Variants in NLRC3 observed in about 807,000 individuals in gnomAD.
The protein encoded by NLRC3 is NLR family CARD domain containing 3.
In NLRC3, 87 loss-of-function variants were observed where a neutral mutation model predicts 91.6. That is an observed-to-expected ratio of 0.95 (90% CI 0.80 to 1.14). The LOEUF (loss-of-function observed/expected upper bound fraction) is 1.14. Among genes scored for constraint, NLRC3 ranks in the 50% most tolerant of loss-of-function variants. The pLI, the probability that NLRC3 is intolerant of heterozygous loss-of-function variation, is 0.00. For synonymous variants in NLRC3, 694 were observed against 625.3 expected, an observed-to-expected ratio of 1.11 and a Z score of -1.64; for missense variants, 1,577 against 1,418.6, an observed-to-expected ratio of 1.11 and a Z score of -1.79.
At chr16:3,565,568 T>G (rs2039845569) in intron 2 of NLRC3, among the ~76,000 whole-genome samples, 188 bp from the exon 3 acceptor site, 1 of 144,058 alleles carries the variant, frequency 6.9e-6, no homozygotes, top group African/African-American at 2.6e-5. Flanking sequence ...GGCAAAAGTA[T>G]GGAGACAGGA....
chr16:3,576,366 G>T (rs754593161), intron 1 of NLRC3, among the ~76,000 whole-genome samples: 1 of 152,106 alleles, frequency 6.6e-6, no homozygotes, highest in Non-Finnish European at 1.5e-5. Flanking sequence ...TGGGGGCGGC[G>T]CCTGCACCCT....
At chr16:3,549,576 G>C (rs941860312) in intron 12 of NLRC3, 121 bp downstream of exon 12, 2 of 780,792 alleles carry the variant, frequency 2.6e-6, no homozygotes, top group African/African-American at 3.4e-5. Flanking sequence ...AAAGGGCCAG[G>C]CTGCCAGGAA....
In NLRC3 at chr16:3,544,341, G is replaced by GTA; in HGVS notation, c.2772-14_2772-13dup. 1 of 1,602,630 alleles carries GTA rather than the reference G, an allele frequency of 6.2e-7. No homozygotes were observed. The highest frequency in any genetic ancestry group is 8.5e-7 in the Non-Finnish European group (1 of 1,169,878). ...CGTTCTCCTGTAAACTAGACACAGA[G>GTA]TATGACCCCTTTGGGTGCACGGGGC... On this transcript the variant is annotated splice_polypyrimidine_tract_variant and intron_variant, in intron 15 of 19. Coordinates refer to ENST00000359128, the MANE Select transcript of NLRC3 (RefSeq NM_178844.4).
rs371123691 is a variant in NLRC3, at chr16:3,548,194, G to T, written c.2712C>A (p.Ala904=). Residue 904 remains alanine, a synonymous_variant, in exon 15 of 20, where the codon GCC becomes GCA. Coordinates refer to ENST00000359128, the MANE Select transcript of NLRC3 (RefSeq NM_178844.4). ...CTTGTCCCAGGGCCTGGGCAGCGCC[G>T]GCCTGGATGAAGTTCCACTGCAGGC... ...SLHLQWNFIQ[A]GAAQALGQAL... is the part of the protein sequence containing the mutation. The T allele has an allele frequency of 6.3e-7, 1 of 1,594,724 alleles. No individual in the cohort carries two copies. Among genetic ancestry groups the T allele is most frequent in the Non-Finnish European group, 8.5e-7 (1 of 1,170,774 alleles).
In NLRC3 at chr16:3,549,685, G is replaced by A. The variant is rs781263564; in HGVS notation, c.2519+12C>T. The A allele has an allele frequency of 4.5e-6, 7 of 1,545,160 alleles. No homozygotes were observed. In the South Asian group the frequency reaches 6.0e-5, roughly 13 times the overall value. ...AGAAACGCCCTGTTTGGAGAGGGTG[G>A]CCAGGACTTACCTGAGGCTGAGGAG... On this transcript the variant is annotated intron_variant, in intron 12 of 19. Coordinates refer to ENST00000359128, the MANE Select transcript of NLRC3 (RefSeq NM_178844.4).
chr16:3,556,963 C>T lies in NLRC3; in HGVS notation c.2131G>A (p.Ala711Thr). ...LRGNSIGPQGAKALADALKIN... is the reference protein window; with the variant it reads ...LRGNSIGPQGTKALADALKIN... ...TTCAAAGCGTCTGCCAGCGCCTTGG[C>T]CCCTTGTGGTCCAATGGAGTTACCG... Residue 711 changes from alanine (A) to threonine (T), a missense_variant, in exon 8 of 20, where the codon GCC (alanine) becomes ACC (threonine). By Grantham distance (58) the Ala-to-Thr change is moderately conservative (BLOSUM62 0). Transcript: ENST00000359128. The T allele has an allele frequency of 6.2e-7, 1 of 1,613,656 alleles. No homozygotes were observed. Among genetic ancestry groups the T allele is most frequent in the Non-Finnish European group, 8.5e-7 (1 of 1,179,614 alleles).
chr16:3,556,266 G>T (rs2039314335), intron 8 of NLRC3, among the ~76,000 whole-genome samples: 1 of 130,322 alleles, frequency 7.7e-6, no homozygotes. Flanking sequence ...AGGAGGCAGA[G>T]GTTGCAGTGA....
At position 3,564,804 on chromosome 16, in the gene NLRC3, G is replaced by C. The variant is rs2039801668; in HGVS notation, c.179-46C>G. On this transcript the variant is annotated intron_variant, in intron 4 of 19. Coordinates refer to ENST00000359128, the MANE Select transcript of NLRC3 (RefSeq NM_178844.4). This position sits in a 1 kb window ranked among gnomAD's most constrained non-coding sequence, Gnocchi z 5.9. Reference sequence around the variant, plus strand: ...GGGAGGTCTGGTAAGGGAAGAGTGGGCACAATCAGCCCAGGTGTTCCCCAC... The same window carrying C: ...GGGAGGTCTGGTAAGGGAAGAGTGGCCACAATCAGCCCAGGTGTTCCCCAC... 1 of 1,568,936 alleles carries C rather than the reference G, an allele frequency of 6.4e-7. No homozygotes were observed.
At chr16:3,542,528 CAACA>C (rs1466703564) in intron 18 of NLRC3, among the ~76,000 whole-genome samples, 160 bp downstream of exon 18, 1 of 152,188 alleles carries the variant, frequency 6.6e-6, no homozygotes, top group African/African-American at 2.4e-5. Context: ...TAAGCACACT[CAACA>C]AACCCAGCTG....
intron 1 of NLRC3, among the ~76,000 whole-genome samples, chr16:3,567,664 C>T (rs532136892): frequency 2.7e-5 from 4 of 145,792 alleles, no homozygotes; most frequent in South Asian, 2.2e-4. Flanking sequence ...CCCAGGTACT[C>T]GAGAGGCTGA....
chr16:3,572,354 C>T (rs2040128049), intron 1 of NLRC3, among the ~76,000 whole-genome samples: 1 of 151,512 alleles, frequency 6.6e-6, no homozygotes, highest in South Asian at 2.1e-4. Context: ...GGCTGGAGTG[C>T]AGTGGCATGA....
intron 10 of NLRC3, among the ~76,000 whole-genome samples, chr16:3,550,743 G>A (rs2038948789): frequency 6.6e-6 from 1 of 152,202 alleles, no homozygotes; most frequent in South Asian, 2.1e-4. Flanking sequence ...CAACCCTTCA[G>A]TGATAAGTAT....
At chr16:3,552,709 A>G (rs1000743661) in intron 9 of NLRC3, among the ~76,000 whole-genome samples, 1 of 152,106 alleles carries the variant, frequency 6.6e-6, no homozygotes, top group African/African-American at 2.4e-5. Context: ...TGGGAGGCCA[A>G]GGTGGGCGGA....
At chr16:3,549,259 G>T in intron 12 of NLRC3, 34 bp from the exon 13 acceptor site, 1 of 1,470,494 alleles carries the variant, frequency 6.8e-7, no homozygotes, top group Non-Finnish European at 9.3e-7. Context: ...GCTTCTGACC[G>T]GGCAGATGAG....
chr16:3,561,658 C>G, intron 6 of NLRC3, 44 bp downstream of exon 6: 3 of 1,376,904 alleles, frequency 2.2e-6, no homozygotes, highest in Non-Finnish European at 3.1e-6. Flanking sequence ...TTCCATACCC[C>G]ACAAGACCAT....
chr16:3,574,734 G>A (rs1186485361), intron 1 of NLRC3, among the ~76,000 whole-genome samples: 1 of 152,148 alleles, frequency 6.6e-6, no homozygotes, highest in Non-Finnish European at 1.5e-5. Flanking sequence ...GCTGAGGTGG[G>A]CAGATCACCT....
At position 3,542,901 on chromosome 16, in the gene NLRC3, G is replaced by T. The variant is rs1026927583; in HGVS notation, c.2940-126C>A. The T allele has an allele frequency of 2.2e-5, 14 of 644,024 alleles. No homozygotes were observed. In the East Asian group the frequency reaches 3.8e-4, roughly 18 times the overall value. The allele number at this position is 644,024 out of a possible 1,614,324, so 39.9% of individuals were successfully genotyped here. A position where few individuals can be genotyped will look rare whatever the true frequency, so the allele number is the denominator to read the frequency against. ...GACTTCAGCAGTCACAGGAGGCCAG[G>T]GCTGTGCCTTCCTCACTCCAGGGCA... On this transcript the variant is annotated intron_variant, in intron 17 of 19. Coordinates refer to ENST00000359128, the MANE Select transcript of NLRC3 (RefSeq NM_178844.4).
chr16:3,544,047 G>A (rs1404516138), intron 16 of NLRC3, 199 bp downstream of exon 16: 1 of 566,314 alleles, frequency 1.8e-6, no homozygotes, highest in Non-Finnish European at 3.2e-6. Flanking sequence ...CCCAACTACT[G>A]TATGGGAGGC....
intron 1 of NLRC3, among the ~76,000 whole-genome samples, chr16:3,569,894 T>G (rs1338895605): frequency 6.6e-6 from 1 of 152,228 alleles, no homozygotes; most frequent in Non-Finnish European, 1.5e-5. Context: ...TTTATTTTGT[T>G]CTATTACCAT....
Sources: gnomAD v4.1 joint callset for allele counts (sites outside exome capture counted in the v4.1 genomes callset) on GRCh38, gnomAD v4.1.1 for gene constraint, Gnocchi (gnomAD v3.1) non-coding constraint, MANE v1.5 for transcripts, NCBI Gene and HGNC (gene_info 2026-07-23, HGNC 2026-07-21) for gene names.